GRM5: variants seen among roughly 807,000 people sequenced by gnomAD.
GRM5 encodes glutamate metabotropic receptor 5.
In GRM5, 19 loss-of-function variants were observed where a neutral mutation model predicts 83.1. The ratio of observed to expected loss-of-function variants is 0.23; its 90% CI spans 0.16 to 0.34. GRM5 has a LOEUF of 0.34. Among genes scored for constraint, GRM5 ranks in the 10% least tolerant of loss-of-function variants. GRM5 has a pLI of 1.00. For synonymous variants in GRM5, 675 were observed against 633.6 expected, an observed-to-expected ratio of 1.07 and a Z score of -0.98; for missense variants, 1,160 against 1,588.3, an observed-to-expected ratio of 0.73 and a Z score of 4.58.
At chr11:88,977,914 C>T (rs895797322) in intron 2 of GRM5, among the ~76,000 whole-genome samples, 84 of 152,202 alleles carry the variant, frequency 5.5e-4, no homozygotes, top group African/African-American at 2.0e-3. Context: ...ACACACCTCC[C>T]TTGTCAACAC....
At chr11:88,879,582 G>A (rs1250678337) in intron 2 of GRM5, among the ~76,000 whole-genome samples, 2 of 151,912 alleles carry the variant, frequency 1.3e-5, no homozygotes, top group African/African-American at 4.8e-5. Context: ...CCTGTAACCA[G>A]TCTCCTTCCC....
Position 88,937,859 on chromosome 11 carries a change from T to A in GRM5, c.662-87704A>T, listed in dbSNP as rs192763977. Among the ~76,000 whole-genome samples the A allele has an allele frequency of 2.7e-3, 412 of 151,828 alleles. 2 individuals carry two copies. The highest frequency in any genetic ancestry group is 9.4e-3 in the African/African-American group (392 of 41,528). ...GTGGGCAAACAGGAGAAGTAATGCA[T>A]GAAATTGTATCTCACACTATCACTG... On this transcript the variant is annotated intron_variant, in intron 2 of 9. Transcript: ENST00000305447.
intron 4 of GRM5, among the ~76,000 whole-genome samples, chr11:88,643,006 A>G (rs977919689): frequency 6.6e-6 from 1 of 152,020 alleles, no homozygotes; most frequent in Admixed American, 6.6e-5. Flanking sequence ...TCTTTATAGC[A>G]ATGTCCCACT....
At chr11:88,804,709 AC>A (rs1332907919) in intron 3 of GRM5, among the ~76,000 whole-genome samples, 2 of 152,112 alleles carry the variant, frequency 1.3e-5, no homozygotes, top group Non-Finnish European at 2.9e-5. Context: ...AAATAAAAAA[AC>A]AAAAACAAAC....
intron 2 of GRM5, among the ~76,000 whole-genome samples, chr11:88,909,696 C>T (rs1349703442): frequency 2.6e-5 from 4 of 151,950 alleles, no homozygotes; most frequent in Non-Finnish European, 5.9e-5. Flanking sequence ...AGAGGGTGTG[C>T]CTTTCTTACT....
chr11:88,905,176 T>C (rs1247887585), intron 2 of GRM5, among the ~76,000 whole-genome samples: 3 of 152,102 alleles, frequency 2.0e-5, no homozygotes, highest in Non-Finnish European at 4.4e-5. Context: ...GGAGAGAAGA[T>C]CGTGAGGTAG....
rs140812597 is a variant in GRM5 at position 88,887,603 on chromosome 11, G to A, written c.662-37448C>T. Among the ~76,000 whole-genome samples the A allele has an allele frequency of 2.4e-4, 37 of 152,188 alleles. 1 individual carries two copies. The highest frequency in any genetic ancestry group is 6.3e-4 in the African/African-American group (26 of 41,540). The stretch of plus-strand genomic sequence containing the variant: ...TGGGTGGCATGTTCAACAAGGTGCC[G>A]GGACCCAGGAACCATGGAAGGAATA... On this transcript the variant is annotated intron_variant, in intron 2 of 9. Transcript: ENST00000305447.
chr11:88,927,941 C>G (rs930369332), intron 2 of GRM5, among the ~76,000 whole-genome samples: 1 of 151,834 alleles, frequency 6.6e-6, no homozygotes, highest in Non-Finnish European at 1.5e-5. Context: ...TTTAAAAAGC[C>G]CCCCCAGTCA....
chr11:88,598,745 A>C (rs1937891712), intron 5 of GRM5, among the ~76,000 whole-genome samples: 1 of 152,182 alleles, frequency 6.6e-6, no homozygotes, highest in South Asian at 2.1e-4. Flanking sequence ...ATGAGCAAAT[A>C]ACCTTTGAAG....
intron 3 of GRM5, among the ~76,000 whole-genome samples, chr11:88,688,915 A>G (rs1021682883): frequency 6.6e-6 from 1 of 152,174 alleles, no homozygotes; most frequent in Non-Finnish European, 1.5e-5. Context: ...CATGTGAGAC[A>G]AAAGAACCAA....
chr11:88,768,462 C>T (rs565461899), intron 3 of GRM5, among the ~76,000 whole-genome samples: 2 of 151,884 alleles, frequency 1.3e-5, no homozygotes, highest in East Asian at 3.9e-4. Context: ...TGGATAGTTA[C>T]TGTTTAATAG....
At chr11:88,991,224 C>G (rs1939956814) in intron 2 of GRM5, among the ~76,000 whole-genome samples, 1 of 152,036 alleles carries the variant, frequency 6.6e-6, no homozygotes, top group African/African-American at 2.4e-5. Context: ...CAACAACAGA[C>G]AAACAGAGAG....
At chr11:88,821,344 CAAAAAAAAAAAAAAAAAAGAAAAAA>C (rs1202884619) in intron 3 of GRM5, among the ~76,000 whole-genome samples, 1 of 68,176 alleles carries the variant, frequency 1.5e-5, no homozygotes, top group Non-Finnish European at 3.3e-5. Flanking sequence ...CTTGAGGGGC[CAAAAAAAAAAAAAAAAAAGAAAAAA>C]GAAAAAAAAA....
intron 2 of GRM5, among the ~76,000 whole-genome samples, chr11:88,986,496 G>C (rs1224221498): frequency 6.6e-6 from 1 of 152,022 alleles, no homozygotes; most frequent in Non-Finnish European, 1.5e-5. Flanking sequence ...TTGGAAAGAA[G>C]TCTTTGGGAA....
intron 3 of GRM5, among the ~76,000 whole-genome samples, chr11:88,739,402 T>A (rs924114426): frequency 6.6e-6 from 1 of 152,120 alleles, no homozygotes. Flanking sequence ...AAAAATCTTA[T>A]TCAGGATCAT....
chr11:88,924,146 A>AAAAAT (rs1945744714), intron 2 of GRM5, among the ~76,000 whole-genome samples: 1 of 148,388 alleles, frequency 6.7e-6, no homozygotes, highest in African/African-American at 2.5e-5. Flanking sequence ...AAAAAAAAAA[A>AAAAAT]TAAGAAATAA....
chr11:88,910,546 A>T (rs1945478908), intron 2 of GRM5, among the ~76,000 whole-genome samples: 1 of 152,078 alleles, frequency 6.6e-6, no homozygotes. Context: ...TGTGATGGGT[A>T]TAGTTTTGAT....
chr11:88,591,120 C>T, intron 6 of GRM5, among the ~76,000 whole-genome samples: 1 of 152,188 alleles, frequency 6.6e-6, no homozygotes, highest in East Asian at 1.9e-4. Flanking sequence ...TTTACCTTAG[C>T]TTCCTTCCCT....
At chr11:88,717,237 T>C (rs1275147851) in intron 3 of GRM5, among the ~76,000 whole-genome samples, 1 of 151,884 alleles carries the variant, frequency 6.6e-6, no homozygotes, top group Admixed American at 6.6e-5. Flanking sequence ...AAAAAAGCCA[T>C]TTATTAGTCT....
Sources: gnomAD v4.1 joint callset for allele counts (sites outside exome capture counted in the v4.1 genomes callset) on GRCh38, gnomAD v4.1.1 for gene constraint, MANE v1.5 for transcripts, NCBI Gene and HGNC (gene_info 2026-07-23, HGNC 2026-07-21) for gene names.